The following MTMR1 variants were observed in gnomAD, a reference collection of about 807,000 sequenced individuals.
MTMR1 encodes the protein myotubularin related protein 1, also known as phosphatidylinositol-3-phosphate phosphatase MTMR1.
A neutral mutation model predicts 51.6 loss-of-function variants in MTMR1; 17 were observed. The observed-to-expected ratio is 0.33, with a 90% CI of 0.23 to 0.49. The LOEUF (loss-of-function observed/expected upper bound fraction) is 0.49, where lower values mean the gene tolerates loss of function less well. Among genes scored for constraint, MTMR1 ranks in the 20% least tolerant of loss-of-function variants. MTMR1 has a pLI of 0.99. For synonymous variants in MTMR1, 201 were observed against 205.6 expected, an observed-to-expected ratio of 0.98 and a Z score of 0.19; for missense variants, 386 against 526.9, an observed-to-expected ratio of 0.73 and a Z score of 2.62.
At chrX:150,754,554 TAC>T (rs1183519972) in intron 14 of MTMR1, among the ~76,000 whole-genome samples, 40 of 112,270 alleles carry the variant, frequency 3.6e-4, no homozygotes, top group Middle Eastern at 9.1e-3. Context: ...TGCAAGTAGG[TAC>T]AGTGTTTCTG....
At chrX:150,757,169 C>T (rs186042634) in intron 15 of MTMR1, among the ~76,000 whole-genome samples, 72 of 112,707 alleles carry the variant, frequency 6.4e-4, no homozygotes, top group African/African-American at 2.3e-3. Flanking sequence ...CTGAACTGCT[C>T]ATGTTCCTTT....
intron 12 of MTMR1, among the ~76,000 whole-genome samples, chrX:150,737,936 G>A (rs892785469): frequency 2.7e-5 from 3 of 111,016 alleles, no homozygotes; most frequent in Non-Finnish European, 5.7e-5. Flanking sequence ...ATGTGTTAGC[G>A]GGCGCCTGTA....
intron 1 of MTMR1, among the ~76,000 whole-genome samples, chrX:150,698,774 G>T (rs781876696): frequency 9.2e-6 from 1 of 108,508 alleles, no homozygotes; most frequent in South Asian, 4.1e-4. Flanking sequence ...TACATAGGAG[G>T]CTGAGGTGGG....
chrX:150,698,678 G>GCACACACACACACACA (rs1444236629), intron 1 of MTMR1, among the ~76,000 whole-genome samples: 14 of 70,806 alleles, frequency 2.0e-4, no homozygotes, highest in African/African-American at 6.7e-4. Flanking sequence ...CTACACGCGC[G>GCACACACACACACACA]CGCACACACA....
upstream of MTMR1, chrX:150,693,310 G>C (rs1202507287): frequency 4.1e-5 from 11 of 267,001 alleles, no homozygotes; most frequent in Non-Finnish European, 5.6e-5. Flanking sequence ...TCCCGGCGCC[G>C]GCCCCGCGCG....
At chrX:150,727,647 GAC>G (rs1569565694) in intron 5 of MTMR1, 35 bp from the exon 6 acceptor site, 1 of 1,014,491 alleles carries the variant, frequency 9.9e-7, no homozygotes, top group Admixed American at 2.3e-5. Flanking sequence ...ACTGTTGACT[GAC>G]ACTAATAGGC....
intron 12 of MTMR1, among the ~76,000 whole-genome samples, chrX:150,740,798 A>G (rs1427484156): frequency 9.0e-6 from 1 of 111,114 alleles, no homozygotes; most frequent in Non-Finnish European, 1.9e-5. Flanking sequence ...CTCATGGTGG[A>G]AGGTAAAGGG....
chrX:150,731,643 A>T, intron 9 of MTMR1, 24 bp downstream of exon 9: 3 of 1,136,384 alleles, frequency 2.6e-6, no homozygotes, highest in Non-Finnish European at 3.5e-6. Flanking sequence ...ATTGTCATTT[A>T]TATAGGAATA....
chrX:150,753,806 C>T (rs1405073620), intron 14 of MTMR1, among the ~76,000 whole-genome samples: 10 of 112,034 alleles, frequency 8.9e-5, no homozygotes, highest in African/African-American at 3.2e-5. Context: ...TTCTTTGAAG[C>T]ACAAAAGTTT....
At chrX:150,716,300 A>G (rs2041512062) in intron 3 of MTMR1, among the ~76,000 whole-genome samples, 1 of 112,950 alleles carries the variant, frequency 8.9e-6, no homozygotes, top group African/African-American at 3.2e-5. Context: ...GTTAGTCACT[A>G]GTTCAGGCAA....
chrX:150,761,533 G>A (rs1433509193), intron 15 of MTMR1, among the ~76,000 whole-genome samples: 3 of 112,909 alleles, frequency 2.7e-5, no homozygotes, highest in African/African-American at 3.2e-5. Context: ...AGAGGGCCTC[G>A]AGGCCCCTCT....
chrX:150,735,281 C>A (rs1411367476), intron 10 of MTMR1: 1 of 344,166 alleles, frequency 2.9e-6, no homozygotes, highest in Non-Finnish European at 5.0e-6. Context: ...TGATAGCACC[C>A]TTAGGAAGCT....
chrX:150,751,728 G>C (rs1557417606), intron 14 of MTMR1, among the ~76,000 whole-genome samples: 1 of 109,071 alleles, frequency 9.2e-6, no homozygotes, highest in Non-Finnish European at 1.9e-5. Flanking sequence ...GGACCTAAAT[G>C]CCTTTTCCTG....
intron 13 of MTMR1, among the ~76,000 whole-genome samples, chrX:150,746,931 A>C (rs782676212): frequency 8.9e-6 from 1 of 112,569 alleles, no homozygotes; most frequent in Non-Finnish European, 1.9e-5. Flanking sequence ...GTCATAGGAA[A>C]GATTATTTTT....
chrX:150,707,986 G>T (rs1463081664), intron 2 of MTMR1, among the ~76,000 whole-genome samples: 1 of 112,293 alleles, frequency 8.9e-6, no homozygotes, highest in African/African-American at 3.2e-5. Flanking sequence ...GTTACATACT[G>T]TATGACTTCA....
rs2042049781 is a variant in MTMR1 at position 150,729,584 on chromosome X, A to G, written c.556-525A>G. 2.7e-5 allele frequency among the ~76,000 whole-genome samples: 3 copies of G among 112,064 alleles called. No individual in the cohort carries two copies. In the Admixed American group the frequency reaches 2.8e-4, roughly 11 times the overall value. On this transcript the variant is annotated intron_variant, in intron 6 of 15. Coordinates refer to ENST00000445323, the MANE Select transcript of MTMR1 (RefSeq NM_001306144.3). ...AATTCAAAAGATACAAAAGCTGTGT[A>G]TAGTAAAAAATCAGTCTCCTTCCAC...
At chrX:150,736,158 G>A (rs1456137877) in intron 10 of MTMR1, 1 of 120,289 alleles carries the variant, frequency 8.3e-6, no homozygotes, top group Non-Finnish European at 1.7e-5. Context: ...GAATTGGGGG[G>A]TGGGGGTTAA....
At chrX:150,711,608 A>C (rs1557416216) in intron 2 of MTMR1, among the ~76,000 whole-genome samples, 1 of 111,941 alleles carries the variant, frequency 8.9e-6, no homozygotes, top group African/African-American at 3.3e-5. Flanking sequence ...CAGGCACAAC[A>C]AGAATATTGT....
At chrX:150,699,159 G>A in intron 1 of MTMR1, 36 bp from the exon 2 acceptor site, 1 of 971,072 alleles carries the variant, frequency 1.0e-6, no homozygotes, top group Non-Finnish European at 1.4e-6. Flanking sequence ...GAGATCCTAT[G>A]ATATAACGTT....
Sources: gnomAD v4.1 joint callset for allele counts (sites outside exome capture counted in the v4.1 genomes callset) on GRCh38, gnomAD v4.1.1 for gene constraint, MANE v1.5 for transcripts, NCBI Gene and HGNC (gene_info 2026-07-23, HGNC 2026-07-21) for gene names.